CCDC148: variants seen among roughly 807,000 people sequenced by gnomAD.
The protein encoded by CCDC148 is coiled-coil domain-containing protein 148.
CCDC148 carries 89 observed loss-of-function variants against 85.7 expected under a neutral mutation model. The observed-to-expected ratio is 1.04, with a 90% confidence interval of 0.87 to 1.24. CCDC148 has a LOEUF of 1.24. CCDC148 is among the 50% of genes most tolerant of loss of function. The pLI is 0.00. For missense variants in CCDC148, 692 were observed against 671.7 expected, an observed-to-expected ratio of 1.03 and a Z score of -0.33; for synonymous variants, 230 against 213.9, an observed-to-expected ratio of 1.08 and a Z score of -0.66.
chr2:158,406,632 T>TTTG (rs1559124706), intron 1 of CCDC148, among the ~76,000 whole-genome samples: 13 of 140,628 alleles, frequency 9.2e-5, no homozygotes, highest in Non-Finnish European at 1.5e-4. Context: ...TTTTTTTTTT[T>TTTG]TTTTTTTTGA....
intron 2 of CCDC148, among the ~76,000 whole-genome samples, chr2:158,347,965 A>G (rs1010823612): frequency 2.6e-5 from 4 of 152,120 alleles, no homozygotes; most frequent in African/African-American, 7.2e-5. Flanking sequence ...CAAAAACTCA[A>G]TTGTTTAACA....
At chr2:158,197,601 A>G (rs1685740818) in intron 11 of CCDC148, among the ~76,000 whole-genome samples, 1 of 152,172 alleles carries the variant, frequency 6.6e-6, no homozygotes, top group Non-Finnish European at 1.5e-5. Context: ...TTTGCTGGAG[A>G]GCATAAGAGA....
chr2:158,364,012 C>T (rs962577876), intron 1 of CCDC148, among the ~76,000 whole-genome samples: 1 of 152,120 alleles, frequency 6.6e-6, no homozygotes, highest in Non-Finnish European at 1.5e-5. Flanking sequence ...CATTCCTATA[C>T]ACCAATAATA....
In CCDC148 at chr2:158,270,291, AGT is replaced by A. The variant is rs770163928; in HGVS notation, c.1111-19381_1111-19380del. 8.3e-4 allele frequency among the ~76,000 whole-genome samples: 127 copies of A among 152,312 alleles called. 1 individual carries two copies. The highest frequency in any genetic ancestry group is 1.6e-3 in the Non-Finnish European group (109 of 68,016). On this transcript the variant is annotated intron_variant, in intron 9 of 13. Transcript: ENST00000283233. ...CCTCATGAGAATAATATGAAAAACAAGTGAGGTGGCTTGTATAGGTTTGGTCT... is the reference window on the plus strand; with the variant it reads ...CCTCATGAGAATAATATGAAAAACAAGAGGTGGCTTGTATAGGTTTGGTCT...
chr2:158,367,307 T>C (rs1374877831), intron 1 of CCDC148, among the ~76,000 whole-genome samples: 1 of 152,126 alleles, frequency 6.6e-6, no homozygotes, highest in African/African-American at 2.4e-5. Flanking sequence ...CTGCATCCCC[T>C]CCCTAGTTTT....
chr2:158,278,279 T>A (rs922670686), intron 9 of CCDC148, among the ~76,000 whole-genome samples: 3 of 151,980 alleles, frequency 2.0e-5, no homozygotes, highest in Non-Finnish European at 4.4e-5. Context: ...TGGGTGCAGG[T>A]CAGTGGGTGC....
chr2:158,382,378 T>C (rs1315447592), intron 1 of CCDC148, among the ~76,000 whole-genome samples: 1 of 152,112 alleles, frequency 6.6e-6, no homozygotes, highest in African/African-American at 2.4e-5. Context: ...GGAAAGTGAG[T>C]ATTGAAATAT....
At chr2:158,301,705 A>C (rs1006717090) in intron 9 of CCDC148, among the ~76,000 whole-genome samples, 1 of 152,190 alleles carries the variant, frequency 6.6e-6, no homozygotes, top group East Asian at 1.9e-4. Context: ...GGTTTTACAG[A>C]ATCTGAGGGA....
Position 158,313,905 on chromosome 2 carries a change from C to A in CCDC148, c.765-11G>T, listed in dbSNP as rs1692160402. 2 of 1,607,154 alleles carry A rather than the reference C, an allele frequency of 1.2e-6. No individual in the cohort carries two copies. The highest frequency in any genetic ancestry group is 1.7e-6 in the Non-Finnish European group (2 of 1,176,696). On this transcript the variant is annotated splice_polypyrimidine_tract_variant and intron_variant, in intron 7 of 13. Transcript: ENST00000283233. ...CTTAGTTGACAGTTTCTAGAAGCAA[C>A]AAAAATGTCACAACATATTATTGAG... is the stretch of plus-strand genomic sequence containing the variant.
At position 158,423,704 on chromosome 2, in the gene CCDC148, C is replaced by A. The variant is rs993686019; in HGVS notation, c.25+32711G>T. On this transcript the variant is annotated intron_variant, in intron 1 of 13. Transcript: ENST00000283233. ...CCAAAAGCAATGGCAACACAAGCCA[C>A]AATTGACAAATGGGATCTAATTAAA... is the stretch of plus-strand genomic sequence containing the variant. Among the ~76,000 whole-genome samples the A allele has an allele frequency of 4.6e-5, 7 of 151,996 alleles. No individual in the cohort carries two copies. The South Asian group carries it at 6.2e-4, about 14-fold the overall frequency.
chr2:158,422,461 T>C (rs1258107527), intron 1 of CCDC148, among the ~76,000 whole-genome samples: 2 of 152,190 alleles, frequency 1.3e-5, no homozygotes, highest in African/African-American at 2.4e-5. Context: ...ATCCATCATA[T>C]AAACAGAACC....
At chr2:158,397,424 G>A (rs1283397263) in intron 1 of CCDC148, among the ~76,000 whole-genome samples, 2 of 152,074 alleles carry the variant, frequency 1.3e-5, no homozygotes, top group African/African-American at 4.8e-5. Context: ...ACTAACAGCG[G>A]ATCTCTCTGC....
chr2:158,247,416 G>A (rs866493351), intron 10 of CCDC148, among the ~76,000 whole-genome samples: 2 of 152,104 alleles, frequency 1.3e-5, no homozygotes, highest in African/African-American at 4.8e-5. Context: ...CTCCTTCTAG[G>A]TACACCCTAG....
intron 9 of CCDC148, among the ~76,000 whole-genome samples, chr2:158,294,081 C>T (rs1337852041): frequency 6.9e-6 from 1 of 144,012 alleles, no homozygotes; most frequent in Non-Finnish European, 1.5e-5. Flanking sequence ...GGAAATCCCT[C>T]CCCATCCCCA....
At chr2:158,404,697 T>C (rs1428078289) in intron 1 of CCDC148, among the ~76,000 whole-genome samples, 5 of 152,066 alleles carry the variant, frequency 3.3e-5, no homozygotes, top group African/African-American at 4.8e-5. Flanking sequence ...TTTTAAAATA[T>C]GAAAAAAATA....
rs528607200 is a variant in CCDC148, at chr2:158,184,642, T to C, written c.1371-5646A>G. On this transcript the variant is annotated intron_variant, in intron 11 of 13. Coordinates refer to ENST00000283233, the MANE Select transcript of CCDC148 (RefSeq NM_138803.4). ...AATCACTGAAACTTGTAAAATGACT[T>C]GCAATGCCAAGGCCTCGCTCCAGAA... 2.0e-5 allele frequency among the ~76,000 whole-genome samples: 3 copies of C among 152,244 alleles called. No individual in the cohort carries two copies. In the South Asian group the frequency reaches 6.2e-4, roughly 32 times the overall value.
In CCDC148 at chr2:158,394,063, A is replaced by G. The variant is rs189044499; in HGVS notation, c.26-35493T>C. The stretch of plus-strand genomic sequence containing the variant: ...CAGTAAGGGACTCTGAGGACTGACC[A>G]AAGAGGTATGTTTAAGGTTCAAATG... On this transcript the variant is annotated intron_variant, in intron 1 of 13. Coordinates refer to ENST00000283233, the MANE Select transcript of CCDC148 (RefSeq NM_138803.4). Among the ~76,000 whole-genome samples the G allele has an allele frequency of 3.2e-3, 489 of 152,246 alleles. 2 individuals carry two copies. Among genetic ancestry groups the G allele is most frequent in the Non-Finnish European group, 5.2e-3 (357 of 68,008 alleles).
chr2:158,404,971 A>C (rs1406759452), intron 1 of CCDC148, among the ~76,000 whole-genome samples: 1 of 152,184 alleles, frequency 6.6e-6, no homozygotes, highest in Non-Finnish European at 1.5e-5. Context: ...TTCTCTTTGC[A>C]AAGAAGTAAG....
At chr2:158,303,370 T>G (rs4422120) in intron 9 of CCDC148, among the ~76,000 whole-genome samples, 1 of 151,946 alleles carries the variant, frequency 6.6e-6, no homozygotes, top group Non-Finnish European at 1.5e-5. Context: ...CAAGATAATA[T>G]TGAATTACAA....
Sources: allele counts gnomAD v4.1 joint callset (sites outside exome capture counted in the v4.1 genomes callset), GRCh38; gene constraint gnomAD v4.1.1; transcripts MANE v1.5; gene names NCBI Gene and HGNC (gene_info 2026-07-23, HGNC 2026-07-21).